ZNF671: variants seen among roughly 807,000 people sequenced by gnomAD.
The protein encoded by ZNF671 is hypothetical protein FLJ23506.
Under a neutral mutation model 16.6 loss-of-function variants are expected in ZNF671, and 19 were observed. The observed-to-expected ratio is 1.14, with a 90% CI of 0.80 to 1.68. The LOEUF (loss-of-function observed/expected upper bound fraction) is 1.68, where lower values mean the gene tolerates loss of function less well. Among genes scored for constraint, ZNF671 ranks in the 40% most tolerant of loss-of-function variants. The pLI, the probability that ZNF671 is intolerant of heterozygous loss-of-function variation, is 0.00. For synonymous variants in ZNF671, 238 were observed against 236.3 expected (o/e 1.01, Z -0.06); for missense variants, 637 against 659.8 (o/e 0.97, Z 0.38).
At chr19:57,727,368 G>A in intron 1 of ZNF671, 23 bp downstream of exon 1, 1 of 1,581,398 alleles carries the variant, frequency 6.3e-7, no homozygotes, top group Non-Finnish European at 8.6e-7. Flanking sequence ...GGTGACTGAG[G>A]GCCCGGAGGA....
Position 57,722,413 on chromosome 19 carries a change from T to C in ZNF671, c.291A>G (p.Ala97=), listed in dbSNP as rs112836145. 421 of 1,614,040 alleles carry C rather than the reference T, an allele frequency of 2.6e-4. No homozygotes were observed. In the African/African-American group the frequency reaches 4.7e-3, roughly 18 times the overall value. ...SLGIAFSRSR[A]VMKLERGEEP... is the part of the protein sequence containing the mutation. Reference sequence around the variant, plus strand: ...CTTCTCCTCGCTCTAGTTTCATGACTGCACGTGATCTGGAAAATGCAATTC... The same window carrying C: ...CTTCTCCTCGCTCTAGTTTCATGACCGCACGTGATCTGGAAAATGCAATTC... The change falls in exon 3 of 4, where the codon GCA becomes GCG. Residue 97 remains alanine (A), a synonymous_variant. Coordinates refer to ENST00000317398, the MANE Select transcript of ZNF671 (RefSeq NM_024833.3).
At chr19:57,724,274 G>A (rs1985974800) in intron 1 of ZNF671, among the ~76,000 whole-genome samples, 1 of 152,074 alleles carries the variant, frequency 6.6e-6, no homozygotes, top group Non-Finnish European at 1.5e-5. Flanking sequence ...GATTGGATGT[G>A]TATCCCCTAC....
intron 1 of ZNF671, among the ~76,000 whole-genome samples, chr19:57,724,850 C>T (rs1985993116): frequency 6.6e-6 from 1 of 152,120 alleles, no homozygotes; most frequent in Non-Finnish European, 1.5e-5. Context: ...ACACAGATCT[C>T]TAACTAACTT....
At chr19:57,727,301 G>C in intron 1 of ZNF671, 90 bp downstream of exon 1, 2 of 1,454,528 alleles carry the variant, frequency 1.4e-6, no homozygotes, top group Non-Finnish European at 1.8e-6. Context: ...CCAAGAGTGC[G>C]TCGCTGTCCT....
chr19:57,725,546 C>T (rs1400229668), intron 1 of ZNF671, among the ~76,000 whole-genome samples: 2 of 152,114 alleles, frequency 1.3e-5, no homozygotes, highest in Admixed American at 6.5e-5. Context: ...AGGAGAACTG[C>T]TTGAACCCAG....
Position 57,720,648 on chromosome 19 carries a change from C to T in ZNF671, c.1438G>A (p.Glu480Lys). 1 of 1,614,212 alleles carries T rather than the reference C, an allele frequency of 6.2e-7. No homozygotes were observed. The highest frequency in any genetic ancestry group is 8.5e-7 in the Non-Finnish European group (1 of 1,180,050). ...QKVHSGEKPY[E>K]CSKCGKAFTQ... ...AAGGCTTTCCCGCACTTGCTGCACT[C>T]ATAAGGCTTTTCTCCAGAGTGAACT... is the stretch of plus-strand genomic sequence containing the variant. Residue 480 changes from glutamate to lysine, a missense_variant, in exon 4 of 4, where the codon GAG becomes AAG. Physicochemically the swap from Glu to Lys is moderately conservative, Grantham distance 56. Coordinates refer to ENST00000317398, the MANE Select transcript of ZNF671 (RefSeq NM_024833.3).
At chr19:57,722,215 G>C in intron 3 of ZNF671, 101 bp downstream of exon 3, 1 of 1,529,402 alleles carries the variant, frequency 6.5e-7, no homozygotes, top group Non-Finnish European at 8.8e-7. Flanking sequence ...TAGAAACGCT[G>C]TGTGGCCACT....
At position 57,727,509 on chromosome 19, in the gene ZNF671, C is replaced by T. The variant is rs1986092713; in HGVS notation, c.20G>A (p.Arg7Gln). MLSPVS[R>Q]DASDALQGRK... ...TCCCTGCAGAGCATCAGACGCGTCT[C>T]GGGACACTGGGGACAACATCTCCTC... The change falls in exon 1 of 4, where the codon CGA becomes CAA. Residue 7 changes from arginine to glutamine, a missense_variant. By Grantham distance (43) the Arg-to-Gln change is conservative. Transcript: ENST00000317398. 2 of 1,609,388 alleles carry T rather than the reference C, an allele frequency of 1.2e-6. No homozygotes were observed. The highest frequency in any genetic ancestry group is 1.1e-5 in the South Asian group (1 of 90,848).
At chr19:57,722,806 G>T (rs1458316509) in intron 2 of ZNF671, among the ~76,000 whole-genome samples, 1 of 152,004 alleles carries the variant, frequency 6.6e-6, no homozygotes, top group Non-Finnish European at 1.5e-5. Flanking sequence ...GAGATGAGAG[G>T]ATGGCTTGAG....
At position 57,722,411 on chromosome 19, in the gene ZNF671, A is replaced by T. The variant is rs769708497; in HGVS notation, c.293T>A (p.Val98Asp). The part of the protein sequence containing the change: ...LGIAFSRSRA[V>D]MKLERGEEPW... ...CTCTTCTCCTCGCTCTAGTTTCATG[A>T]CTGCACGTGATCTGGAAAATGCAAT... is the stretch of plus-strand genomic sequence containing the variant. The change falls in exon 3 of 4, where the codon GTC becomes GAC. Residue 98 changes from valine to aspartate, a missense_variant. Physicochemically the swap from Val to Asp is radical, Grantham distance 152. Coordinates refer to ENST00000317398, the MANE Select transcript of ZNF671 (RefSeq NM_024833.3). 1.2e-5 allele frequency: 20 copies of T among 1,613,898 alleles called. No homozygotes were observed. The highest frequency in any genetic ancestry group is 1.7e-5 in the Non-Finnish European group (20 of 1,180,030).
chr19:57,721,893 AAGG>A, intron 3 of ZNF671, 196 bp from the exon 4 acceptor site: 1 of 717,866 alleles, frequency 1.4e-6, no homozygotes. Context: ...AGTGCCAATG[AAGG>A]GCCAGGATAT....
In ZNF671 at chr19:57,720,555, C is replaced by T; in HGVS notation, c.1531G>A (p.Glu511Lys). Residue 511 changes from glutamate (E) to lysine (K), a missense_variant, in exon 4 of 4, where the codon GAG (glutamate) becomes AAG (lysine). Physicochemically the swap from Glu to Lys is moderately conservative, Grantham distance 56 (BLOSUM62 1). Transcript: ENST00000317398. ...HTGERPYVCS[E>K]CGREFIRKQT... Reference sequence around the variant, plus strand: ...TTCCGGATGAATTCTCTCCCGCACTCACTACACACATAAGGCCTTTCCCCA... The same window carrying T: ...TTCCGGATGAATTCTCTCCCGCACTTACTACACACATAAGGCCTTTCCCCA... 1 of 1,614,228 alleles carries T rather than the reference C, an allele frequency of 6.2e-7. No individual in the cohort carries two copies.
chr19:57,721,279 G>C lies in ZNF671; in HGVS notation c.807C>G (p.His269Gln). 3.8e-6 allele frequency: 6 copies of C among 1,593,186 alleles called. No individual in the cohort carries two copies. Among genetic ancestry groups the C allele is most frequent in the Non-Finnish European group, 5.1e-6 (6 of 1,167,920 alleles). The change falls in exon 4 of 4, where the codon CAC becomes CAG. Residue 269 changes from histidine to glutamine, a missense_variant. Coordinates refer to ENST00000317398, the MANE Select transcript of ZNF671 (RefSeq NM_024833.3). ...HQASLSSMKP[H>Q]KSTKLVSGFL... ...AGCCACTCACAAGCTTAGTGCTCTT[G>C]TGGGGCTTCATGCTGCTGAGAGAGG...
chr19:57,720,995 G>C lies in ZNF671; in HGVS notation c.1091C>G (p.Thr364Arg), dbSNP rs141494747. Residue 364 changes from threonine (T) to arginine (R), a missense_variant, in exon 4 of 4, where the codon ACG (threonine) becomes AGG (arginine). By Grantham distance (71) the Thr-to-Arg change is moderately conservative (BLOSUM62 -1). Coordinates refer to ENST00000317398, the MANE Select transcript of ZNF671 (RefSeq NM_024833.3). The part of the protein sequence containing the change: ...SGLIEHRRVH[T>R]GERLYQCGKC... ...GCCACACTGATAGAGTCTTTCACCCGTGTGAACTCGCCTGTGCTCAATCAG... is the reference window on the plus strand; with the variant it reads ...GCCACACTGATAGAGTCTTTCACCCCTGTGAACTCGCCTGTGCTCAATCAG... 5.0e-6 allele frequency: 8 copies of C among 1,614,062 alleles called. No homozygotes were observed. Among genetic ancestry groups the C allele is most frequent in the Non-Finnish European group, 5.9e-6 (7 of 1,180,014 alleles).
In ZNF671 at chr19:57,722,445, G is replaced by C. The variant is rs1164177036; in HGVS notation, c.266-7C>G. On this transcript the variant is annotated splice_region_variant and splice_polypyrimidine_tract_variant and intron_variant, in intron 2 of 3. Coordinates refer to ENST00000317398, the MANE Select transcript of ZNF671 (RefSeq NM_024833.3). The stretch of plus-strand genomic sequence containing the variant: ...GATCTGGAAAATGCAATTCCTAAGG[G>C]AAAGTCAGAACAGGTGAGCAGCCAG... 2 of 1,613,050 alleles carry C rather than the reference G, an allele frequency of 1.2e-6. No individual in the cohort carries two copies. The highest frequency in any genetic ancestry group is 2.2e-5 in the South Asian group (2 of 91,074).
At position 57,721,599 on chromosome 19, in the gene ZNF671, A is replaced by C; in HGVS notation, c.487T>G (p.Ser163Ala). ...GGGCCACATATGTCACATGGGTGAGACTCCAGCTCTGCCATGAGAGTCCTG... is the reference window on the plus strand; with the variant it reads ...GGGCCACATATGTCACATGGGTGAGCCTCCAGCTCTGCCATGAGAGTCCTG... ...EVRTLMAELE[S>A]HPCDICGPIL... is the part of the protein sequence containing the mutation. Residue 163 changes from serine to alanine, a missense_variant, in exon 4 of 4, where the codon TCT becomes GCT. Transcript: ENST00000317398. 1.2e-6 allele frequency: 2 copies of C among 1,614,132 alleles called. No individual in the cohort carries two copies. The highest frequency in any genetic ancestry group is 1.7e-6 in the Non-Finnish European group (2 of 1,180,030).
In ZNF671 at chr19:57,722,296, C is replaced by G. The variant is rs1367598011; in HGVS notation, c.388+20G>C. 1.1e-5 allele frequency: 17 copies of G among 1,612,846 alleles called. No homozygotes were observed. Among genetic ancestry groups the G allele is most frequent in the African/African-American group, 1.3e-5 (1 of 74,870 alleles). ...TTGAACCCAGCTTTGACATCGTGCC[C>G]TTCCCCGATGTCCACTCACCAGGTC... On this transcript the variant is annotated intron_variant, in intron 3 of 3. Transcript: ENST00000317398.
At chr19:57,721,796 G>C in intron 3 of ZNF671, 99 bp from the exon 4 acceptor site, 1 of 1,475,694 alleles carries the variant, frequency 6.8e-7, no homozygotes, top group Non-Finnish European at 9.1e-7. Flanking sequence ...ATAAGTTCAT[G>C]AAACTGTTTT....
intron 3 of ZNF671, 25 bp from the exon 4 acceptor site, chr19:57,721,722 A>C (rs767432957): frequency 6.3e-6 from 10 of 1,597,916 alleles, no homozygotes; most frequent in Non-Finnish European, 8.6e-6. Context: ...AATGCTGATT[A>C]AATGCATATT....
Sources: gnomAD v4.1 joint callset for allele counts (sites outside exome capture counted in the v4.1 genomes callset) on GRCh38, gnomAD v4.1.1 for gene constraint, MANE v1.5 for transcripts, NCBI Gene and HGNC (gene_info 2026-07-23, HGNC 2026-07-21) for gene names.